The following MTBP variants were observed in gnomAD, a reference collection of about 807,000 sequenced individuals.
MTBP encodes the protein MDM2 binding protein.
MTBP carries 101 observed loss-of-function variants against 117.0 expected under a neutral mutation model. The ratio of observed to expected loss-of-function variants is 0.86; its 90% CI spans 0.73 to 1.02. The LOEUF is 1.02. Ranked by LOEUF, MTBP falls within the 50% of genes least tolerant of loss-of-function variation. MTBP has a pLI of 0.00. For synonymous variants in MTBP, 350 were observed against 351.5 expected (o/e 1.00, Z 0.05); for missense variants, 970 against 1,030.9 (o/e 0.94, Z 0.81).
chr8:120,476,869 C>T (rs887848794), intron 11 of MTBP, among the ~76,000 whole-genome samples: 1 of 152,180 alleles, frequency 6.6e-6, no homozygotes, highest in African/African-American at 2.4e-5. Context: ...ATCAAGCTAC[C>T]ACTGACTTTC....
chr8:120,503,133 C>T (rs183236540), intron 15 of MTBP, among the ~76,000 whole-genome samples: 2 of 152,266 alleles, frequency 1.3e-5, no homozygotes, highest in East Asian at 1.9e-4. Flanking sequence ...AGAAGCTAAG[C>T]TCTCTTACAT....
chr8:120,515,051 C>T lies in MTBP; in HGVS notation c.1980-874C>T, dbSNP rs565088218. Reference sequence around the variant, plus strand: ...GTCAGATGTTCAGGAAATGATAACACTCCTTGGGAGTTGAACTAAATCTTT... The same window carrying T: ...GTCAGATGTTCAGGAAATGATAACATTCCTTGGGAGTTGAACTAAATCTTT... On this transcript the variant is annotated intron_variant, in intron 17 of 21. Coordinates refer to ENST00000305949, the MANE Select transcript of MTBP (RefSeq NM_022045.5). Among the ~76,000 whole-genome samples the T allele has an allele frequency of 2.0e-3, 300 of 151,968 alleles. 1 individual carries two copies. The highest frequency in any genetic ancestry group is 6.8e-3 in the African/African-American group (281 of 41,504).
At chr8:120,485,870 C>T (rs1413616415) in intron 11 of MTBP, among the ~76,000 whole-genome samples, 3 of 152,162 alleles carry the variant, frequency 2.0e-5, no homozygotes, top group South Asian at 2.1e-4. Flanking sequence ...TCAGAGGGTG[C>T]GGCCTTCAGT....
Position 120,515,844 on chromosome 8 carries a change from T to G in MTBP, c.1980-81T>G, listed in dbSNP as rs554900398. 737 of 1,265,624 alleles carry G rather than the reference T, an allele frequency of 5.8e-4. 2 individuals are homozygous for G. The highest frequency in any genetic ancestry group is 7.3e-4 in the Non-Finnish European group (668 of 915,120). The allele number at this position is 1,265,624 out of a possible 1,614,324, so 78.4% of individuals were successfully genotyped here. ...TAAACAAGAACTCTTAAAGTAAATG[T>G]CCTGCTATTTTCTCATTGAAAGGGG... On this transcript the variant is annotated intron_variant, in intron 17 of 21. Coordinates refer to ENST00000305949, the MANE Select transcript of MTBP (RefSeq NM_022045.5).
At chr8:120,463,023 T>C (rs1251900216) in intron 9 of MTBP, among the ~76,000 whole-genome samples, 7 of 152,104 alleles carry the variant, frequency 4.6e-5, no homozygotes, top group Non-Finnish European at 7.4e-5. Flanking sequence ...AGAAAAGTTC[T>C]ACAACTTGAA....
At chr8:120,453,940 CT>C (rs1412758269) in intron 5 of MTBP, 35 bp downstream of exon 5, 1 of 1,239,980 alleles carries the variant, frequency 8.1e-7, no homozygotes, top group East Asian at 2.4e-5. Flanking sequence ...TAATTTGTAT[CT>C]TATCTTATTA....
Position 120,453,968 on chromosome 8 carries a change from G to C in MTBP, c.484+63G>C, listed in dbSNP as rs973303588. Reference sequence around the variant, plus strand: ...ATCTTATTACACTTTATGAATAAATGATAAATTTGTTCTTTATGTTAGTGT... The same window carrying C: ...ATCTTATTACACTTTATGAATAAATCATAAATTTGTTCTTTATGTTAGTGT... On this transcript the variant is annotated intron_variant, in intron 5 of 21. Coordinates refer to ENST00000305949, the MANE Select transcript of MTBP (RefSeq NM_022045.5). 1.4e-5 allele frequency: 14 copies of C among 981,852 alleles called. No individual in the cohort carries two copies. In the African/African-American group the frequency reaches 1.8e-4, roughly 13 times the overall value. The allele number at this position is 981,852 out of a possible 1,614,324, so 60.8% of individuals were successfully genotyped here.
intron 11 of MTBP, among the ~76,000 whole-genome samples, chr8:120,481,935 T>C (rs1458558868): frequency 4.6e-5 from 7 of 152,216 alleles, no homozygotes; most frequent in Non-Finnish European, 1.0e-4. Context: ...TTGACAGTTA[T>C]TTAAAGAATC....
At chr8:120,479,421 CA>C (rs1356964367) in intron 11 of MTBP, among the ~76,000 whole-genome samples, 4 of 152,258 alleles carry the variant, frequency 2.6e-5, no homozygotes, top group African/African-American at 9.6e-5. Flanking sequence ...TTTTAGTCAA[CA>C]AATATTTTTC....
At chr8:120,490,855 G>T (rs1443168225) in intron 13 of MTBP, among the ~76,000 whole-genome samples, 1 of 152,054 alleles carries the variant, frequency 6.6e-6, no homozygotes, top group Non-Finnish European at 1.5e-5. Flanking sequence ...GAGAAGGTAT[G>T]TAAGTTTTAT....
At chr8:120,487,361 A>G (rs13250411) in intron 11 of MTBP, among the ~76,000 whole-genome samples, 80,515 of 152,036 alleles carry the variant, frequency 0.53, 24,601 homozygotes, top group Non-Finnish European at 0.67. Context: ...CAGTGGAGAG[A>G]TTGAAGTTTG....
chr8:120,521,036 G>GTTTGCTT, intron 20 of MTBP, among the ~76,000 whole-genome samples: 1 of 152,176 alleles, frequency 6.6e-6, no homozygotes, highest in South Asian at 2.1e-4. Flanking sequence ...AGTCCTAATA[G>GTTTGCTT]GACCAGGCCT....
intron 13 of MTBP, among the ~76,000 whole-genome samples, chr8:120,496,151 C>T (rs1013276752): frequency 2.0e-5 from 3 of 152,142 alleles, no homozygotes; most frequent in African/African-American, 7.2e-5. Flanking sequence ...TGCAGACCAA[C>T]CCTGCAGCAG....
rs544355078 is a variant in MTBP, at chr8:120,466,307, G to A, written c.1047+2546G>A. Among the ~76,000 whole-genome samples, 3 of 149,730 alleles carry A rather than the reference G, an allele frequency of 2.0e-5. No individual in the cohort carries two copies. The South Asian group carries it at 6.3e-4, about 32-fold the overall frequency. On this transcript the variant is annotated intron_variant, in intron 10 of 21. Transcript: ENST00000305949. ...GCTCACTGCAACCTCCGTCTCCCGG[G>A]TTCAAGCAATTCTCCCGGCTCAGCC...
chr8:120,470,549 A>G (rs762839171), intron 10 of MTBP, among the ~76,000 whole-genome samples: 1 of 152,228 alleles, frequency 6.6e-6, no homozygotes, highest in African/African-American at 2.4e-5. Flanking sequence ...TGTATTTTTC[A>G]GAGATGTATA....
rs895230401 is a variant in MTBP at position 120,504,529 on chromosome 8, G to A, written c.1727+1920G>A. ...TTAAAGAGAAGTCTGATGCCACATC[G>A]ATTTTTGTTCCTCAATAAGTATTTT... On this transcript the variant is annotated intron_variant, in intron 15 of 21. Transcript: ENST00000305949. Among the ~76,000 whole-genome samples, 5 of 151,948 alleles carry A rather than the reference G, an allele frequency of 3.3e-5. No individual in the cohort carries two copies. In the South Asian group the frequency reaches 6.2e-4, roughly 19 times the overall value.
intron 11 of MTBP, among the ~76,000 whole-genome samples, chr8:120,487,806 T>A (rs1814250246): frequency 6.6e-6 from 1 of 152,158 alleles, no homozygotes; most frequent in Admixed American, 6.5e-5. Context: ...TCCCACCAAT[T>A]AAGTTGGTGT....
intron 20 of MTBP, among the ~76,000 whole-genome samples, chr8:120,521,051 A>G (rs1278686170): frequency 2.0e-5 from 3 of 152,160 alleles, no homozygotes. Context: ...AGGCCTAGGC[A>G]GCAACTAGAA....
chr8:120,486,843 T>A (rs927731391), intron 11 of MTBP, among the ~76,000 whole-genome samples: 1 of 152,198 alleles, frequency 6.6e-6, no homozygotes, highest in Non-Finnish European at 1.5e-5. Flanking sequence ...CTCCAATCTG[T>A]CCAACGTGCT....
Sources: gnomAD v4.1 joint callset for allele counts (sites outside exome capture counted in the v4.1 genomes callset) on GRCh38, gnomAD v4.1.1 for gene constraint, MANE v1.5 for transcripts, NCBI Gene and HGNC (gene_info 2026-07-23, HGNC 2026-07-21) for gene names.